Variants in CFAP299 observed in about 807,000 individuals in gnomAD.
The protein encoded by CFAP299 is cilia- and flagella-associated protein 299.
CFAP299 carries 21 observed loss-of-function variants against 27.0 expected under a neutral mutation model. The observed-to-expected ratio is 0.78, with a 90% CI of 0.55 to 1.12. The LOEUF is 1.12. Ranked by LOEUF, CFAP299 falls within the 50% of genes most tolerant of loss-of-function variation. The pLI is 0.00. For synonymous variants in CFAP299, 104 were observed against 98.1 expected, an observed-to-expected ratio of 1.06 and a Z score of -0.36; for missense variants, 310 against 276.6, an observed-to-expected ratio of 1.12 and a Z score of -0.86.
At chr4:80,345,721 G>A (rs1042039577) in intron 1 of CFAP299, among the ~76,000 whole-genome samples, 13 of 151,986 alleles carry the variant, frequency 8.6e-5, no homozygotes, top group African/African-American at 1.2e-4. Flanking sequence ...TGTGAATAGC[G>A]CCACAATAAA....
At chr4:80,721,063 A>T (rs1318490413) in intron 3 of CFAP299, among the ~76,000 whole-genome samples, 1 of 152,182 alleles carries the variant, frequency 6.6e-6, no homozygotes, top group Non-Finnish European at 1.5e-5. Context: ...TCAAAAATTA[A>T]ACACAGAAGA....
At chr4:80,537,349 A>T (rs553619000) in intron 2 of CFAP299, among the ~76,000 whole-genome samples, 56 of 152,278 alleles carry the variant, frequency 3.7e-4, no homozygotes, top group Non-Finnish European at 5.7e-4. Flanking sequence ...ATATGTCCAA[A>T]GGAAATGATA....
chr4:80,398,514 A>G (rs1420610766), intron 2 of CFAP299, among the ~76,000 whole-genome samples: 2 of 152,216 alleles, frequency 1.3e-5, no homozygotes, highest in African/African-American at 4.8e-5. Context: ...GGAACAGAAC[A>G]GAGACCTCAG....
chr4:80,531,747 GTTTTTTT>G (rs200507684), intron 2 of CFAP299, among the ~76,000 whole-genome samples: 2 of 116,488 alleles, frequency 1.7e-5, no homozygotes, highest in African/African-American at 3.4e-5. Context: ...TAAGATAGAA[GTTTTTTT>G]TTTTTTTTTT....
At chr4:80,870,570 C>T in intron 4 of CFAP299, 1 of 987,230 alleles carries the variant, frequency 1.0e-6, no homozygotes, top group Non-Finnish European at 1.2e-6. Context: ...TTCTGGGACA[C>T]CCATTCCTTA....
intron 2 of CFAP299, among the ~76,000 whole-genome samples, chr4:80,371,302 G>A (rs1724139119): frequency 6.6e-6 from 1 of 152,152 alleles, no homozygotes; most frequent in Admixed American, 6.5e-5. Context: ...GCCTGTGATG[G>A]GAGGGGCTGC....
intron 3 of CFAP299, among the ~76,000 whole-genome samples, chr4:80,745,459 C>T (rs1724529909): frequency 1.3e-5 from 2 of 151,922 alleles, no homozygotes; most frequent in Admixed American, 1.3e-4. Flanking sequence ...TAAGTCTTTA[C>T]CAAAAATATT....
chr4:80,700,760 A>G (rs913463956), intron 3 of CFAP299, among the ~76,000 whole-genome samples: 1 of 152,086 alleles, frequency 6.6e-6, no homozygotes, highest in African/African-American at 2.4e-5. Context: ...AGATAAAAGG[A>G]GATTACTTAA....
intron 2 of CFAP299, among the ~76,000 whole-genome samples, chr4:80,483,151 G>A (rs1011587834): frequency 2.0e-5 from 3 of 152,330 alleles, no homozygotes; most frequent in South Asian, 4.1e-4. Context: ...AGAGGCCAGG[G>A]TTGTTTGATG....
intron 3 of CFAP299, among the ~76,000 whole-genome samples, chr4:80,807,624 T>C (rs756796835): frequency 1.3e-5 from 2 of 152,084 alleles, no homozygotes; most frequent in African/African-American, 2.4e-5. Context: ...CTTTCAACCC[T>C]AGGTCATGGC....
At chr4:80,756,559 T>TA (rs140882114) in intron 3 of CFAP299, among the ~76,000 whole-genome samples, 45 of 150,890 alleles carry the variant, frequency 3.0e-4, no homozygotes, top group Admixed American at 9.3e-4. Context: ...TTTTTAGTGT[T>TA]AAAAAAAAAC....
intron 3 of CFAP299, among the ~76,000 whole-genome samples, chr4:80,668,773 CTT>C (rs1219572520): frequency 6.6e-6 from 1 of 151,988 alleles, no homozygotes; most frequent in African/African-American, 2.4e-5. Context: ...CAGGAAAAGA[CTT>C]TGACTACTTA....
At chr4:80,615,861 C>A (rs1277374399) in intron 3 of CFAP299, among the ~76,000 whole-genome samples, 1 of 152,090 alleles carries the variant, frequency 6.6e-6, no homozygotes, top group Non-Finnish European at 1.5e-5. Context: ...GATTGTGGCC[C>A]AAGAGTGAAA....
At chr4:80,530,921 G>C (rs1045211294) in intron 2 of CFAP299, among the ~76,000 whole-genome samples, 13 of 152,168 alleles carry the variant, frequency 8.5e-5, no homozygotes, top group Admixed American at 8.5e-4. Context: ...CCTGAGTGTG[G>C]AAGTCAATGA....
At position 80,888,621 on chromosome 4, in the gene CFAP299, C is replaced by G. The variant is rs558138707; in HGVS notation, c.476+18486C>G. Among the ~76,000 whole-genome samples, 11 of 152,118 alleles carry G rather than the reference C, an allele frequency of 7.2e-5. No individual in the cohort carries two copies. The South Asian group carries it at 1.9e-3, about 26-fold the overall frequency. On this transcript the variant is annotated intron_variant, in intron 4 of 5. Transcript: ENST00000358105. ...TAACCTCTACTATAAAACAAATGTGCCTAATAGATATTTACAAAATATTTC... is the reference window on the plus strand; with the variant it reads ...TAACCTCTACTATAAAACAAATGTGGCTAATAGATATTTACAAAATATTTC...
At chr4:80,946,627 C>G (rs188197534) in intron 5 of CFAP299, among the ~76,000 whole-genome samples, 13 of 152,320 alleles carry the variant, frequency 8.5e-5, no homozygotes, top group Non-Finnish European at 1.6e-4. Flanking sequence ...CAGGTTCTAA[C>G]ACAATGCTAT....
chr4:80,757,849 G>C (rs1348917939), intron 3 of CFAP299, among the ~76,000 whole-genome samples: 2 of 152,114 alleles, frequency 1.3e-5, no homozygotes, highest in Non-Finnish European at 2.9e-5. Flanking sequence ...ACCTAGCTGG[G>C]TGCTTCGGAG....
At chr4:80,776,835 T>A (rs1179184558) in intron 3 of CFAP299, among the ~76,000 whole-genome samples, 1 of 149,114 alleles carries the variant, frequency 6.7e-6, no homozygotes, top group Non-Finnish European at 1.5e-5. Context: ...AACAATCAGA[T>A]AAAATGTTAT....
At chr4:80,485,818 C>T (rs1396043045) in intron 2 of CFAP299, among the ~76,000 whole-genome samples, 1 of 152,166 alleles carries the variant, frequency 6.6e-6, no homozygotes, top group East Asian at 1.9e-4. Context: ...AGTAAAGGCC[C>T]TTTTAATTTC....
Sources: gnomAD v4.1 joint callset for allele counts (sites outside exome capture counted in the v4.1 genomes callset) on GRCh38, gnomAD v4.1.1 for gene constraint, MANE v1.5 for transcripts, NCBI Gene and HGNC (gene_info 2026-07-23, HGNC 2026-07-21) for gene names.